RAPGEF6: variants seen among roughly 807,000 people sequenced by gnomAD.
RAPGEF6 encodes PDZ domain containing guanine nucleotide exchange factor (GEF) 2.
Under a neutral mutation model 171.4 loss-of-function variants are expected in RAPGEF6, and 56 were observed. That is an observed-to-expected ratio of 0.33 (90% CI 0.26 to 0.41). The LOEUF (loss-of-function observed/expected upper bound fraction) is 0.41. RAPGEF6 is among the 10% of genes least tolerant of loss of function. The probability of loss-of-function intolerance (pLI) is 1.00; values close to 1 mark genes in which losing one functional copy is unlikely to be tolerated. For missense variants in RAPGEF6, 1,674 were observed against 1,921.4 expected, an observed-to-expected ratio of 0.87 and a Z score of 2.41; for synonymous variants, 692 against 650.1, an observed-to-expected ratio of 1.06 and a Z score of -0.98.
intron 22 of RAPGEF6, among the ~76,000 whole-genome samples, chr5:131,446,189 G>A (rs1752677843): frequency 6.6e-6 from 1 of 152,020 alleles, no homozygotes; most frequent in Non-Finnish European, 1.5e-5. Context: ...TACTCTTTAG[G>A]GATGAATATA....
At chr5:131,535,467 A>G (rs1393961942) in intron 6 of RAPGEF6, among the ~76,000 whole-genome samples, 1 of 152,156 alleles carries the variant, frequency 6.6e-6, no homozygotes, top group Non-Finnish European at 1.5e-5. Context: ...TATCAATTCA[A>G]ATGAATTAAG....
intron 3 of RAPGEF6, among the ~76,000 whole-genome samples, chr5:131,599,724 T>C (rs1764114627): frequency 6.6e-6 from 1 of 152,238 alleles, no homozygotes; most frequent in African/African-American, 2.4e-5. Flanking sequence ...GACACTTCCC[T>C]AAACTTTTCA....
intron 1 of RAPGEF6, among the ~76,000 whole-genome samples, chr5:131,629,522 G>A (rs1766160794): frequency 6.6e-6 from 1 of 151,842 alleles, no homozygotes; most frequent in South Asian, 2.1e-4. Context: ...GGGAGGCTAA[G>A]GTGGGAGGAT....
rs1756367085 is a variant in RAPGEF6, at chr5:131,492,750, G to C, written c.1563C>G (p.Ala521=). 9 of 1,613,864 alleles carry C rather than the reference G, an allele frequency of 5.6e-6. No homozygotes were observed. In the African/African-American group the frequency reaches 6.7e-5, roughly 12 times the overall value. The change falls in exon 14 of 28, where the codon GCC becomes GCG. Residue 521 remains alanine (A), a synonymous_variant. Coordinates refer to ENST00000509018, the MANE Select transcript of RAPGEF6 (RefSeq NM_016340.6). ...MNGHLRLLNI[A]CAAKAKWRQV... ...GTCTCCACTTAGCCTTTGCAGCACA[G>C]GCAATATTCAATAACCGGAGATGAC...
At position 131,532,622 on chromosome 5, in the gene RAPGEF6, A is replaced by T. The variant is rs1759469949; in HGVS notation, c.496-11101T>A. ...TGATTCTTCTGCATCAAAAGCAAAC[A>T]TTGTATCCTGAAGATTAAAGTTTCT... is the stretch of plus-strand genomic sequence containing the variant. On this transcript the variant is annotated intron_variant, in intron 6 of 27. Coordinates refer to ENST00000509018, the MANE Select transcript of RAPGEF6 (RefSeq NM_016340.6). Among the ~76,000 whole-genome samples the T allele has an allele frequency of 3.9e-5, 6 of 152,082 alleles. 1 individual carries two copies. The South Asian group carries it at 1.2e-3, about 32-fold the overall frequency.
At position 131,489,617 on chromosome 5, in the gene RAPGEF6, G is replaced by T; in HGVS notation, c.1769C>A (p.Thr590Lys). ...EVNGQNFENITFMKAVEILRN... is the reference protein window; with the variant it reads ...EVNGQNFENIKFMKAVEILRN... ...CAAAATTTCAACGGCTTTCATAAAT[G>T]TAATATTCTCAAAGTTTTGTCCATT... The change falls in exon 15 of 28, where the codon ACA becomes AAA. Residue 590 changes from threonine (T) to lysine (K), a missense_variant. Thr to Lys is a moderately conservative substitution (Grantham distance 78). This residue lies in a region of RAPGEF6 where 1,116 missense variants were observed against 1,321.5 expected (regional missense o/e 0.84). Transcript: ENST00000509018. 6.3e-7 allele frequency: 1 copy of T among 1,594,060 alleles called. No homozygotes were observed. Among genetic ancestry groups the T allele is most frequent in the South Asian group, 1.1e-5 (1 of 87,880 alleles).
intron 17 of RAPGEF6, among the ~76,000 whole-genome samples, chr5:131,470,498 C>G (rs2149845178): frequency 6.6e-6 from 1 of 152,276 alleles, no homozygotes; most frequent in East Asian, 1.9e-4. Flanking sequence ...TCCCTCAGCC[C>G]CACATCCTAC....
chr5:131,555,984 T>C (rs958618702), intron 5 of RAPGEF6, among the ~76,000 whole-genome samples: 1 of 152,250 alleles, frequency 6.6e-6, no homozygotes, highest in African/African-American at 2.4e-5. Context: ...AGCATGTTAC[T>C]GTACTGAACA....
intron 4 of RAPGEF6, among the ~76,000 whole-genome samples, chr5:131,565,218 CAATT>C (rs1473732672): frequency 1.3e-5 from 2 of 151,580 alleles, no homozygotes; most frequent in African/African-American, 4.9e-5. Flanking sequence ...ACCCAAAAAT[CAATT>C]GTTTTATTGT....
chr5:131,444,525 G>T (rs1580832249), intron 22 of RAPGEF6, among the ~76,000 whole-genome samples: 1 of 152,134 alleles, frequency 6.6e-6, no homozygotes, highest in Admixed American at 6.5e-5. Context: ...TATTGTTTGG[G>T]CTTCGGATAG....
intron 21 of RAPGEF6, chr5:131,447,547 T>C (rs934872069): frequency 6.6e-6 from 1 of 152,234 alleles, no homozygotes; most frequent in African/African-American, 2.4e-5. Context: ...ACTGCAATGA[T>C]GTTTGTCCTT....
At chr5:131,496,649 T>G (rs907562313) in intron 12 of RAPGEF6, among the ~76,000 whole-genome samples, 2 of 152,248 alleles carry the variant, frequency 1.3e-5, no homozygotes, top group Admixed American at 6.5e-5. Flanking sequence ...CTTAGCTTAA[T>G]GTTTTCAAGG....
chr5:131,630,790 AAGG>A (rs1458100135), intron 1 of RAPGEF6, among the ~76,000 whole-genome samples: 2 of 152,246 alleles, frequency 1.3e-5, no homozygotes, highest in Non-Finnish European at 2.9e-5. Context: ...CCAGAAACAC[AAGG>A]AGTTCTTTAC....
chr5:131,546,332 G>A (rs557660443), intron 6 of RAPGEF6, among the ~76,000 whole-genome samples: 7 of 152,270 alleles, frequency 4.6e-5, no homozygotes, highest in East Asian at 3.9e-4. Flanking sequence ...AAGGCCGGGC[G>A]CTGTGGCTCA....
At chr5:131,514,923 T>C (rs1375358030) in intron 7 of RAPGEF6, among the ~76,000 whole-genome samples, 1 of 152,148 alleles carries the variant, frequency 6.6e-6, no homozygotes, top group African/African-American at 2.4e-5. Flanking sequence ...AGGAAAAATA[T>C]ATATATTGGT....
intron 4 of RAPGEF6, among the ~76,000 whole-genome samples, chr5:131,573,599 G>A (rs118143858): frequency 2.6e-5 from 4 of 152,106 alleles, no homozygotes; most frequent in East Asian, 1.9e-4. Context: ...CTTCCAAGAG[G>A]GCACCAGGGC....
At chr5:131,615,482 C>A (rs1460291817) in intron 1 of RAPGEF6, among the ~76,000 whole-genome samples, 2 of 152,106 alleles carry the variant, frequency 1.3e-5, no homozygotes, top group East Asian at 3.9e-4. Flanking sequence ...AAAGAAAGAA[C>A]CCTGACAGAG....
Position 131,604,691 on chromosome 5 carries a change from G to C in RAPGEF6, c.72C>G (p.Asp24Glu), listed in dbSNP as rs998448804. Residue 24 changes from aspartate to glutamate, a missense_variant and splice_region_variant, in exon 2 of 28, where the codon GAC becomes GAG. This residue lies in a region of RAPGEF6 where 1,116 missense variants were observed against 1,321.5 expected (regional missense o/e 0.84). Transcript: ENST00000509018. Reference protein sequence around the residue: ...RKKPPERTPEDLNTIYSYLHG... With the variant: ...RKKPPERTPEELNTIYSYLHG... ...GAAGATAAGAATAAATAGTATTTAA[G>C]TCCTGTGGAACAGAAGAAAAAAATT... The C allele has an allele frequency of 6.2e-7, 1 of 1,606,602 alleles. No homozygotes were observed. Among genetic ancestry groups the C allele is most frequent in the Non-Finnish European group, 8.5e-7 (1 of 1,177,214 alleles).
intron 3 of RAPGEF6, among the ~76,000 whole-genome samples, chr5:131,596,426 T>A (rs1763908713): frequency 6.6e-6 from 1 of 151,070 alleles, no homozygotes; most frequent in South Asian, 2.1e-4. Context: ...AACACTGGAG[T>A]GCCCAAGCTT....
Sources: allele counts gnomAD v4.1 joint callset (sites outside exome capture counted in the v4.1 genomes callset), GRCh38; gene constraint gnomAD v4.1.1; regional missense constraint gnomAD v4.1.1; transcripts MANE v1.5; gene names NCBI Gene and HGNC (gene_info 2026-07-23, HGNC 2026-07-21).